Variants in KCNK9 observed in about 807,000 individuals in gnomAD.
The protein encoded by KCNK9 is potassium two pore domain channel subfamily K member 9.
Under a neutral mutation model 10.8 loss-of-function variants are expected in KCNK9, and 1 was observed. The observed-to-expected ratio is 0.09, with a 90% confidence interval of 0.03 to 0.44. The LOEUF is 0.44. KCNK9 is among the 20% of genes least tolerant of loss of function. KCNK9 has a pLI of 0.97. For synonymous variants in KCNK9, 231 were observed against 222.7 expected, an observed-to-expected ratio of 1.04 and a Z score of -0.33; for missense variants, 303 against 515.0, an observed-to-expected ratio of 0.59 and a Z score of 3.98.
chr8:139,635,611 A>C (rs531268326), intron 1 of KCNK9, among the ~76,000 whole-genome samples: 4 of 152,344 alleles, frequency 2.6e-5, no homozygotes, highest in Non-Finnish European at 4.4e-5. Flanking sequence ...TGATTAATTT[A>C]TCTCCTGGAC....
intron 1 of KCNK9, among the ~76,000 whole-genome samples, chr8:139,667,911 T>G (rs1816339137): frequency 6.6e-6 from 1 of 151,620 alleles, no homozygotes; most frequent in African/African-American, 2.4e-5. Flanking sequence ...TTCCATTGCA[T>G]AGTTGGGCCA....
intron 1 of KCNK9, among the ~76,000 whole-genome samples, chr8:139,664,224 C>T (rs774718788): frequency 6.6e-6 from 1 of 152,216 alleles, no homozygotes; most frequent in Non-Finnish European, 1.5e-5. Context: ...CGTCTCCTCA[C>T]CTGCAAGATG....
intron 1 of KCNK9, among the ~76,000 whole-genome samples, chr8:139,663,505 T>C (rs952508949): frequency 6.6e-5 from 10 of 151,940 alleles, no homozygotes; most frequent in African/African-American, 2.4e-4. Context: ...GATGACAGCA[T>C]TGCTTCCCAC....
rs868635362 is a variant in KCNK9, at chr8:139,632,119, T to C, written c.284-13020A>G. ...GTGTGACTTCTAAAGCATTGCTTCC[T>C]AATAATGGGATCACCTGGGATTTGC... On this transcript the variant is annotated intron_variant, in intron 1 of 1. Transcript: ENST00000520439. 6.6e-5 allele frequency among the ~76,000 whole-genome samples: 10 copies of C among 152,336 alleles called. No individual in the cohort carries two copies. In the East Asian group the frequency reaches 1.9e-3, roughly 29 times the overall value.
rs961880645 is a variant in KCNK9, at chr8:139,703,089, T to TCCGCCG, written c.-103_-98dup. On this transcript the variant is annotated 5_prime_UTR_variant, in exon 1 of 2. Coordinates refer to ENST00000520439, the MANE Select transcript of KCNK9 (RefSeq NM_001282534.2). The surrounding 1 kb of genome is among the most constrained non-coding windows in gnomAD (Gnocchi z 6.4). ...CCCGGCGGCCGCCGCCGCCTCCTCC[T>TCCGCCG]CCGCCGCCGCCGCCGCCGCCTCCAA... The TCCGCCG allele has an allele frequency of 2.1e-5, 22 of 1,071,698 alleles. No homozygotes were observed. The highest frequency in any genetic ancestry group is 3.6e-4 in the Middle Eastern group (1 of 2,792). The allele number at this position is 1,071,698 out of a possible 1,614,324, so 66.4% of individuals were successfully genotyped here.
chr8:139,678,466 G>A (rs957195340), intron 1 of KCNK9, among the ~76,000 whole-genome samples: 6 of 152,182 alleles, frequency 3.9e-5, no homozygotes, highest in South Asian at 2.1e-4. Context: ...CACCCAGCTC[G>A]GCCCGTCTCC....
intron 1 of KCNK9, among the ~76,000 whole-genome samples, chr8:139,652,947 C>T (rs1815912077): frequency 6.6e-6 from 1 of 152,174 alleles, no homozygotes; most frequent in African/African-American, 2.4e-5. Context: ...TCACCATCTT[C>T]GGGGCAGGGG....
intron 1 of KCNK9, among the ~76,000 whole-genome samples, chr8:139,664,350 C>G (rs767979630): frequency 1.3e-5 from 2 of 152,194 alleles, no homozygotes; most frequent in Admixed American, 6.5e-5. Flanking sequence ...GGGAGCTGCT[C>G]TGTCTCCCGC....
intron 1 of KCNK9, among the ~76,000 whole-genome samples, chr8:139,662,952 G>C (rs1239734085): frequency 2.6e-5 from 4 of 151,862 alleles, no homozygotes. Flanking sequence ...AGTGTGCAGG[G>C]GCTTAGTAAA....
At chr8:139,671,951 G>A (rs944393209) in intron 1 of KCNK9, among the ~76,000 whole-genome samples, 1 of 152,190 alleles carries the variant, frequency 6.6e-6, no homozygotes, top group African/African-American at 2.4e-5. Flanking sequence ...GGTCTGCAGT[G>A]CAGTGGGAGA....
chr8:139,614,480 A>G (rs189037912), downstream of KCNK9, among the ~76,000 whole-genome samples: 588 of 152,312 alleles, frequency 3.9e-3, 8 homozygotes, highest in African/African-American at 0.014. Context: ...TCAGCCATGC[A>G]CAGTGGGAGC....
intron 1 of KCNK9, among the ~76,000 whole-genome samples, chr8:139,633,948 A>G (rs1448335505): frequency 6.6e-6 from 1 of 152,208 alleles, no homozygotes; most frequent in Admixed American, 6.5e-5. Flanking sequence ...AACTATTCGC[A>G]TCGAGCCTGT....
At chr8:139,628,776 A>G (rs1318341534) in intron 1 of KCNK9, among the ~76,000 whole-genome samples, 1 of 152,246 alleles carries the variant, frequency 6.6e-6, no homozygotes. Context: ...TTTCTAAAAC[A>G]TATGAACTTG....
intron 1 of KCNK9, among the ~76,000 whole-genome samples, chr8:139,676,291 T>C (rs1586684025): frequency 6.6e-6 from 1 of 152,244 alleles, no homozygotes. Flanking sequence ...CAGTGGTGGA[T>C]TCCCCCAACC....
intron 1 of KCNK9, among the ~76,000 whole-genome samples, chr8:139,667,618 C>T (rs562962799): frequency 6.6e-6 from 1 of 152,268 alleles, no homozygotes; most frequent in East Asian, 1.9e-4. Context: ...ATCACCTGAT[C>T]CTGGGAGGCG....
Position 139,702,562 on chromosome 8 carries a change from C to A in KCNK9, c.283+148G>T, listed in dbSNP as rs1817254373. 1 of 815,392 alleles carries A rather than the reference C, an allele frequency of 1.2e-6. No homozygotes were observed. Among genetic ancestry groups the A allele is most frequent in the Middle Eastern group, 3.8e-4 (1 of 2,662 alleles). 50.5% of individuals were successfully genotyped at this position (815,392 alleles called of 1,614,324 possible). ...GGAGGCGCCGCGGAGGGGGGGCTCC[C>A]TAGAGAGGAGGGGGCGCTGCGGGAA... On this transcript the variant is annotated intron_variant, in intron 1 of 1. Coordinates refer to ENST00000520439, the MANE Select transcript of KCNK9 (RefSeq NM_001282534.2). The surrounding 1 kb of genome is among the most constrained non-coding windows in gnomAD (Gnocchi z 7.5).
intron 1 of KCNK9, among the ~76,000 whole-genome samples, chr8:139,640,909 A>T (rs1815486586): frequency 6.6e-6 from 1 of 152,188 alleles, no homozygotes; most frequent in Admixed American, 6.5e-5. Flanking sequence ...TGCCAGGCCC[A>T]CCGGTAGCTC....
intron 1 of KCNK9, among the ~76,000 whole-genome samples, chr8:139,692,367 AG>A (rs1475739634): frequency 6.6e-6 from 1 of 152,224 alleles, no homozygotes; most frequent in Admixed American, 6.5e-5. Flanking sequence ...GGAATGCTGA[AG>A]CCATTCTTGG....
At chr8:139,657,204 C>T in intron 1 of KCNK9, among the ~76,000 whole-genome samples, 1 of 152,222 alleles carries the variant, frequency 6.6e-6, no homozygotes, top group Non-Finnish European at 1.5e-5. Flanking sequence ...GGATTGCACT[C>T]AAGCATTCTG....
Sources: allele counts gnomAD v4.1 joint callset (sites outside exome capture counted in the v4.1 genomes callset), GRCh38; gene constraint gnomAD v4.1.1; non-coding constraint Gnocchi (gnomAD v3.1); transcripts MANE v1.5; gene names NCBI Gene and HGNC (gene_info 2026-07-23, HGNC 2026-07-21).